The following PANK2 variants were observed in gnomAD, a reference collection of about 807,000 sequenced individuals.
The protein encoded by PANK2 is pantothenate kinase 2.
PANK2 carries 36 observed loss-of-function variants against 43.1 expected under a neutral mutation model. The observed-to-expected ratio is 0.84, with a 90% CI of 0.64 to 1.10. PANK2 has a LOEUF of 1.10. PANK2 is among the 50% of genes least tolerant of loss of function. PANK2 has a pLI of 0.00. For missense variants in PANK2, 576 were observed against 593.3 expected, an observed-to-expected ratio of 0.97 and a Z score of 0.30; for synonymous variants, 281 against 238.2, an observed-to-expected ratio of 1.18 and a Z score of -1.66.
At chr20:3,915,123 T>A (rs1007003667) in intron 4 of PANK2, among the ~76,000 whole-genome samples, 3 of 152,202 alleles carry the variant, frequency 2.0e-5, no homozygotes, top group African/African-American at 7.2e-5. Context: ...CATGGAAATT[T>A]TAAATTTTGA....
intron 4 of PANK2, among the ~76,000 whole-genome samples, chr20:3,914,077 C>CCA (rs2090520610): frequency 6.6e-6 from 1 of 152,038 alleles, no homozygotes; most frequent in South Asian, 2.1e-4. Context: ...GCGTGAGCCA[C>CCA]TGCGCCTGGC....
At chr20:3,916,716 G>C (rs1014317828) in intron 4 of PANK2, among the ~76,000 whole-genome samples, 1 of 152,206 alleles carries the variant, frequency 6.6e-6, no homozygotes, top group African/African-American at 2.4e-5. Flanking sequence ...AGAAACCGCA[G>C]GGAAAGCTGT....
At chr20:3,902,621 G>T (rs567642695) in intron 1 of PANK2, among the ~76,000 whole-genome samples, 6 of 150,624 alleles carry the variant, frequency 4.0e-5, no homozygotes, top group African/African-American at 1.5e-4. Context: ...GGGTCTGGCT[G>T]TGTTGTCCTG....
At chr20:3,906,473 G>A (rs1358968148) in intron 1 of PANK2, among the ~76,000 whole-genome samples, 2 of 152,002 alleles carry the variant, frequency 1.3e-5, no homozygotes, top group African/African-American at 4.8e-5. Context: ...AATATACCCA[G>A]CCTATTGAAC....
chr20:3,911,689 C>T (rs996791587), intron 3 of PANK2, among the ~76,000 whole-genome samples: 7 of 151,150 alleles, frequency 4.6e-5, no homozygotes, highest in Non-Finnish European at 7.4e-5. Context: ...GTCGGGAGTT[C>T]GAGACCAGCC....
In PANK2 at chr20:3,916,942, G is replaced by A. The variant is rs749608573; in HGVS notation, c.1098G>A (p.Met366Ile). The change falls in exon 5 of 7, where the codon ATG becomes ATA. Residue 366 changes from methionine (M) to isoleucine (I), a missense_variant. Met to Ile is a conservative substitution (Grantham distance 10, BLOSUM62 1). Coordinates refer to ENST00000610179, the MANE Select transcript of PANK2 (RefSeq NM_001386393.1). ...CCCATCACAGCTTTGGAAACATGAT[G>A]AGCAAGGAGAAGCGAGAGGCTGTCA... 5 of 1,614,066 alleles carry A rather than the reference G, an allele frequency of 3.1e-6. No individual in the cohort carries two copies. Among genetic ancestry groups the A allele is most frequent in the Non-Finnish European group, 4.2e-6 (5 of 1,179,996 alleles).
chr20:3,915,423 T>C (rs930825867), intron 4 of PANK2, among the ~76,000 whole-genome samples: 5 of 152,160 alleles, frequency 3.3e-5, no homozygotes, highest in Admixed American at 3.3e-4. Context: ...CTCAGCCTCC[T>C]GAGTAGCTGG....
intron 1 of PANK2, among the ~76,000 whole-genome samples, chr20:3,900,414 T>G (rs751245830): frequency 2.6e-5 from 4 of 151,938 alleles, no homozygotes; most frequent in Non-Finnish European, 5.9e-5. Context: ...CTATGGCTCT[T>G]AAATGTAAAT....
At chr20:3,916,015 T>A (rs2090554391) in intron 4 of PANK2, among the ~76,000 whole-genome samples, 2 of 152,220 alleles carry the variant, frequency 1.3e-5, no homozygotes, top group Non-Finnish European at 2.9e-5. Context: ...ATAAGACAAC[T>A]GGGATTTTAA....
At chr20:3,900,962 G>T (rs2090291022) in intron 1 of PANK2, among the ~76,000 whole-genome samples, 1 of 151,686 alleles carries the variant, frequency 6.6e-6, no homozygotes, top group African/African-American at 2.4e-5. Context: ...AGAGATGGGG[G>T]TTTCACGATG....
At chr20:3,912,996 C>G (rs1353476785) in intron 4 of PANK2, among the ~76,000 whole-genome samples, 1 of 146,986 alleles carries the variant, frequency 6.8e-6, no homozygotes, top group Admixed American at 6.8e-5. Context: ...TAAAAAAGCT[C>G]TATTGAGATA....
At chr20:3,900,124 A>G (rs1466259790) in intron 1 of PANK2, among the ~76,000 whole-genome samples, 1 of 151,850 alleles carries the variant, frequency 6.6e-6, no homozygotes, top group Non-Finnish European at 1.5e-5. Flanking sequence ...TTTGCTTGAT[A>G]CAGTGGAGTA....
intron 1 of PANK2, among the ~76,000 whole-genome samples, chr20:3,896,730 CAA>C (rs1028463971): frequency 5.9e-5 from 9 of 152,150 alleles, no homozygotes; most frequent in South Asian, 2.1e-4. Context: ...GATGGCCAAA[CAA>C]GAGGTTCCAG....
chr20:3,900,504 TA>T (rs2090284136), intron 1 of PANK2, among the ~76,000 whole-genome samples: 1 of 151,968 alleles, frequency 6.6e-6, no homozygotes, highest in African/African-American at 2.4e-5. Context: ...TACTTTTGAC[TA>T]AATGCCATTT....
intron 4 of PANK2, among the ~76,000 whole-genome samples, chr20:3,913,279 AG>A: frequency 6.6e-6 from 1 of 152,214 alleles, no homozygotes; most frequent in South Asian, 2.1e-4. Context: ...TTCTTCATAT[AG>A]CATATGTTTT....
chr20:3,892,639 G>A (rs2090142432), intron 1 of PANK2, among the ~76,000 whole-genome samples: 1 of 132,232 alleles, frequency 7.6e-6, no homozygotes. Flanking sequence ...TCGCGCCACT[G>A]CACTCCAGCC....
chr20:3,892,148 G>A (rs1484297038), intron 1 of PANK2, among the ~76,000 whole-genome samples: 3 of 152,080 alleles, frequency 2.0e-5, no homozygotes, highest in Non-Finnish European at 4.4e-5. Context: ...CCAGAGACCA[G>A]CCTGGCCAGC....
At chr20:3,917,611 G>A (rs779838794) in intron 5 of PANK2, 3 of 503,368 alleles carry the variant, frequency 6.0e-6, no homozygotes, top group Non-Finnish European at 8.4e-6. Context: ...CTAGGATCCA[G>A]TTGGTGCAGC....
In PANK2 at chr20:3,910,619, T is replaced by A; in HGVS notation, c.694T>A (p.Leu232Met). 6.2e-7 allele frequency: 1 copy of A among 1,614,156 alleles called. No individual in the cohort carries two copies. Among genetic ancestry groups the A allele is most frequent in the Non-Finnish European group, 8.5e-7 (1 of 1,180,002 alleles). Reference sequence around the variant, plus strand: ...TTGCAAACTGGATGAACTAGATTGCTTGATCAAAGGAATTTTATACATTGA... The same window carrying A: ...TTGCAAACTGGATGAACTAGATTGCATGATCAAAGGAATTTTATACATTGA... Residue 232 changes from leucine to methionine, a missense_variant, in exon 3 of 7, where the codon TTG becomes ATG. Leu to Met is a conservative substitution (Grantham distance 15, BLOSUM62 2). Transcript: ENST00000610179.
Sources: gnomAD v4.1 joint callset for allele counts (sites outside exome capture counted in the v4.1 genomes callset) on GRCh38, gnomAD v4.1.1 for gene constraint, MANE v1.5 for transcripts, NCBI Gene and HGNC (gene_info 2026-07-23, HGNC 2026-07-21) for gene names.